The following UBR2 variants were observed in gnomAD, a reference collection of about 807,000 sequenced individuals.
The protein encoded by UBR2 is E3 ubiquitin-protein ligase UBR2.
Under a neutral mutation model 247.9 loss-of-function variants are expected in UBR2, and 92 were observed. That is an observed-to-expected ratio of 0.37 (90% confidence interval 0.31 to 0.44). The LOEUF is 0.44. Among genes scored for constraint, UBR2 ranks in the 20% least tolerant of loss-of-function variants. The pLI is 1.00. For synonymous variants in UBR2, 672 were observed against 693.5 expected (o/e 0.97, Z 0.49); for missense variants, 1,613 against 2,112.6 (o/e 0.76, Z 4.64).
intron 43 of UBR2, among the ~76,000 whole-genome samples, 194 bp from the exon 44 acceptor site, chr6:42,684,595 AAAAAC>A (rs1420787250): frequency 1.3e-5 from 2 of 151,816 alleles, no homozygotes; most frequent in Admixed American, 6.6e-5. Context: ...AAAAAAAACA[AAAAAC>A]AAAAACAAAA....
At chr6:42,685,014 G>GA (rs1398051649) in intron 44 of UBR2, 143 bp downstream of exon 44, 10 of 652,882 alleles carry the variant, frequency 1.5e-5, no homozygotes, top group African/African-American at 7.6e-5. Context: ...GAGAAAAAAG[G>GA]AAAAAAAGAA....
At chr6:42,580,109 T>C (rs1282381718) in intron 2 of UBR2, among the ~76,000 whole-genome samples, 2 of 152,198 alleles carry the variant, frequency 1.3e-5, no homozygotes, top group African/African-American at 2.4e-5. Flanking sequence ...CATCTCTTTG[T>C]ACATGTTTCA....
chr6:42,664,296 T>G lies in UBR2; in HGVS notation c.3698+877T>G, dbSNP rs79256773. The G allele has an allele frequency of 2.6e-5, 4 of 151,310 alleles. No homozygotes were observed. The South Asian group carries it at 8.3e-4, about 32-fold the overall frequency. The allele number at this position is 151,310 out of a possible 1,614,324, so 9.4% of individuals were successfully genotyped here. The stretch of plus-strand genomic sequence containing the variant: ...CTCTTTTAGAATTTGTCTAGCAGAC[T>G]AAAAAAAAATAAGAAAAGAAAATGG... On this transcript the variant is annotated intron_variant, in intron 32 of 46. Coordinates refer to ENST00000372901, the MANE Select transcript of UBR2 (RefSeq NM_001363705.2).
intron 36 of UBR2, among the ~76,000 whole-genome samples, chr6:42,672,265 T>A (rs111527283): frequency 0.016 from 2,433 of 152,174 alleles, 58 homozygotes; most frequent in African/African-American, 0.056. Flanking sequence ...ACTCCTGACC[T>A]CAGGTGATCT....
At chr6:42,614,348 G>A (rs1209542810) in intron 8 of UBR2, among the ~76,000 whole-genome samples, 18 of 139,810 alleles carry the variant, frequency 1.3e-4, no homozygotes, top group Non-Finnish European at 2.2e-4. Context: ...ATGTGTGTAT[G>A]TATGTGTGTA....
intron 13 of UBR2, among the ~76,000 whole-genome samples, chr6:42,634,729 A>G (rs891876678): frequency 6.6e-6 from 1 of 152,230 alleles, no homozygotes; most frequent in African/African-American, 2.4e-5. Context: ...TGCTGGGATT[A>G]CAGGCGTGGG....
At position 42,692,349 on chromosome 6, in the gene UBR2, C is replaced by G. The variant is rs529322430; in HGVS notation, c.*1176C>G. 2.6e-5 allele frequency: 4 copies of G among 152,310 alleles called. No individual in the cohort carries two copies. The South Asian group carries it at 8.3e-4, about 32-fold the overall frequency. The allele number at this position is 152,310 out of a possible 1,614,324, so 9.4% of individuals were successfully genotyped here. ...CCTTGCTGGCTCACTTAGTGCATTC[C>G]TGGGATGGTCTGGCACCCAGGCTTT... On this transcript the variant is annotated 3_prime_UTR_variant, in exon 47 of 47. Transcript: ENST00000372901.
At chr6:42,615,018 C>A in intron 8 of UBR2, 53 bp from the exon 9 acceptor site, 1 of 1,452,434 alleles carries the variant, frequency 6.9e-7, no homozygotes, top group Non-Finnish European at 9.5e-7. Flanking sequence ...TAAAATGTCA[C>A]TATTTTAATA....
At chr6:42,669,125 A>G (rs1384634824) in intron 34 of UBR2, among the ~76,000 whole-genome samples, 1 of 151,666 alleles carries the variant, frequency 6.6e-6, no homozygotes, top group African/African-American at 2.4e-5. Context: ...GGGTTTTACC[A>G]TGTTGGCCAG....
Position 42,659,990 on chromosome 6 carries a change from C to A in UBR2, c.3442+135C>A. 1 of 818,944 alleles carries A rather than the reference C, an allele frequency of 1.2e-6. No individual in the cohort carries two copies. Among genetic ancestry groups the A allele is most frequent in the Non-Finnish European group, 1.9e-6 (1 of 528,708 alleles). The allele number at this position is 818,944 out of a possible 1,614,324, so 50.7% of individuals were successfully genotyped here. ...TGGTATCTTTGGCAGGTAACTTAGG[C>A]AGGAATTCCCCACTTGGCAGATGTG... On this transcript the variant is annotated intron_variant, in intron 30 of 46. Coordinates refer to ENST00000372901, the MANE Select transcript of UBR2 (RefSeq NM_001363705.2). The surrounding 1 kb of genome is among the most constrained non-coding windows in gnomAD (Gnocchi z 4.3).
intron 40 of UBR2, 70 bp from the exon 41 acceptor site, chr6:42,678,469 T>G (rs997737671): frequency 1.1e-5 from 16 of 1,503,468 alleles, no homozygotes; most frequent in Non-Finnish European, 1.3e-5. Flanking sequence ...CAGTCAAGTC[T>G]GTTTTCACAC....
intron 46 of UBR2, among the ~76,000 whole-genome samples, chr6:42,690,148 T>C (rs1799672267): frequency 6.6e-6 from 1 of 152,228 alleles, no homozygotes; most frequent in African/African-American, 2.4e-5. Flanking sequence ...CTTTAGTATA[T>C]TGTAAGCTAA....
chr6:42,643,218 C>G (rs1392222061), intron 18 of UBR2, among the ~76,000 whole-genome samples: 1 of 152,090 alleles, frequency 6.6e-6, no homozygotes, highest in Non-Finnish European at 1.5e-5. Context: ...TATCTTGTTT[C>G]TTTTTTTGTC....
chr6:42,648,242 C>A, intron 22 of UBR2, 72 bp downstream of exon 22: 1 of 1,268,582 alleles, frequency 7.9e-7, no homozygotes, highest in Non-Finnish European at 1.2e-6. Flanking sequence ...AGAGTGTTTT[C>A]TTTGATGCAA....
Position 42,601,943 on chromosome 6 carries a change from C to A in UBR2, c.532-1645C>A, listed in dbSNP as rs1158574778. On this transcript the variant is annotated intron_variant, in intron 4 of 46. Transcript: ENST00000372901. ...GGAGTACAGTGGCACAATCTCGGTT[C>A]CCTGCAACCTCCGTCTCCTGGGTTC... 4.0e-4 allele frequency among the ~76,000 whole-genome samples: 37 copies of A among 91,458 alleles called. 1 individual carries two copies. Among genetic ancestry groups the A allele is most frequent in the African/African-American group, 1.5e-3 (34 of 22,546 alleles). The allele number at this position is 91,458 out of a possible 152,430, so 60.0% of individuals were successfully genotyped here.
intron 2 of UBR2, among the ~76,000 whole-genome samples, chr6:42,581,766 T>A (rs1364376517): frequency 6.6e-6 from 1 of 152,224 alleles, no homozygotes; most frequent in Non-Finnish European, 1.5e-5. Context: ...TTTCATTGTA[T>A]AAATGTGCCA....
Position 42,652,604 on chromosome 6 carries a change from G to C in UBR2, c.2728G>C (p.Glu910Gln), listed in dbSNP as rs765953412. The change falls in exon 25 of 47, where the codon GAA (glutamate) becomes CAA (glutamine). Residue 910 changes from glutamate (E) to glutamine (Q), a missense_variant. Glu to Gln is a conservative substitution (Grantham distance 29). This residue lies in a region of UBR2 where 1,524 missense variants were observed against 1,967.3 expected (regional missense o/e 0.77). Transcript: ENST00000372901. ...GGGAACAATTCTGCAATGGGCTGTG[G>C]AACATAATGGATATGCCTGGTCAGA... is the stretch of plus-strand genomic sequence containing the variant. ...IMGTILQWAV[E>Q]HNGYAWSESM... 5 of 1,613,592 alleles carry C rather than the reference G, an allele frequency of 3.1e-6. No individual in the cohort carries two copies. The South Asian group carries it at 3.3e-5, about 11-fold the overall frequency.
At chr6:42,645,309 C>T (rs539769875) in intron 20 of UBR2, among the ~76,000 whole-genome samples, 157 bp from the exon 21 acceptor site, 47 of 152,226 alleles carry the variant, frequency 3.1e-4, no homozygotes, top group African/African-American at 1.1e-3. Flanking sequence ...TGGTCAGGAG[C>T]TGCTCTCTCC....
intron 11 of UBR2, chr6:42,620,056 A>C: frequency 1.1e-6 from 1 of 923,034 alleles, no homozygotes; most frequent in Non-Finnish European, 1.3e-6. Context: ...GTCTATCTGG[A>C]TATGTATGTA....
Sources: allele counts gnomAD v4.1 joint callset (sites outside exome capture counted in the v4.1 genomes callset), GRCh38; gene constraint gnomAD v4.1.1; regional missense constraint gnomAD v4.1.1; non-coding constraint Gnocchi (gnomAD v3.1); transcripts MANE v1.5; gene names NCBI Gene and HGNC (gene_info 2026-07-23, HGNC 2026-07-21).